RASA1: variants seen among roughly 807,000 people sequenced by gnomAD.
RASA1 encodes the protein ras GTPase-activating protein 1.
RASA1 carries 25 observed loss-of-function variants against 132.2 expected under a neutral mutation model. That is an observed-to-expected ratio of 0.19 (90% CI 0.14 to 0.26). The LOEUF (loss-of-function observed/expected upper bound fraction) is 0.26. RASA1 is among the 10% of genes least tolerant of loss of function. The pLI is 1.00. For synonymous variants in RASA1, 477 were observed against 449.9 expected (o/e 1.06, Z -0.76); for missense variants, 964 against 1,299.2 (o/e 0.74, Z 3.97).
intron 3 of RASA1, 78 bp downstream of exon 3, chr5:87,332,720 T>C: frequency 7.5e-7 from 1 of 1,341,130 alleles, no homozygotes; most frequent in African/African-American, 1.5e-5. Context: ...GCTCAGTTTC[T>C]TATGTTTATT....
intron 1 of RASA1, among the ~76,000 whole-genome samples, chr5:87,317,657 A>T: frequency 6.8e-6 from 1 of 147,746 alleles, no homozygotes; most frequent in African/African-American, 2.5e-5. Flanking sequence ...TTCTTTTGAG[A>T]CAGAATCTTG....
chr5:87,332,385 T>C, intron 2 of RASA1, 122 bp from the exon 3 acceptor site: 1 of 1,012,168 alleles, frequency 9.9e-7, no homozygotes, highest in Non-Finnish European at 1.5e-6. Context: ...TATTTTAGTA[T>C]AAGGATATAG....
At position 87,333,301 on chromosome 5, in the gene RASA1, T is replaced by C; in HGVS notation, c.863T>C (p.Leu288Pro). Reference sequence around the variant, plus strand: ...GATAGAAGGCGTGTACGAGCTATTCTACCTTACACAAAAGTACCAGACACT... The same window carrying C: ...GATAGAAGGCGTGTACGAGCTATTCCACCTTACACAAAAGTACCAGACACT... ...VEDRRRVRAI[L>P]PYTKVPDTDE... The change falls in exon 4 of 25, where the codon CTA (leucine) becomes CCA (proline). Residue 288 changes from leucine (L) to proline (P), a missense_variant. Around this residue, in one of 6 missense-constraint regions of RASA1, gnomAD observed 154 missense variants for 286.5 expected, o/e 0.54. Coordinates refer to ENST00000274376, the MANE Select transcript of RASA1 (RefSeq NM_002890.3). 6.2e-7 allele frequency: 1 copy of C among 1,613,362 alleles called. No individual in the cohort carries two copies.
At chr5:87,334,758 A>G (rs1468953459) in intron 4 of RASA1, among the ~76,000 whole-genome samples, 1 of 152,186 alleles carries the variant, frequency 6.6e-6, no homozygotes, top group Admixed American at 6.5e-5. Flanking sequence ...TATTTATTGA[A>G]TTTCAACCTG....
intron 1 of RASA1, among the ~76,000 whole-genome samples, chr5:87,307,491 A>C (rs866921137): frequency 2.1e-5 from 3 of 143,048 alleles, no homozygotes; most frequent in South Asian, 2.2e-4. Flanking sequence ...AACAACAACA[A>C]CACAAAACTG....
intron 4 of RASA1, among the ~76,000 whole-genome samples, chr5:87,335,424 T>G (rs907517108): frequency 4.2e-5 from 6 of 141,242 alleles, no homozygotes; most frequent in Non-Finnish European, 7.7e-5. Flanking sequence ...ATGAGGTTTT[T>G]TTTTTTTTTT....
chr5:87,325,498 A>G (rs1757166133), intron 1 of RASA1, among the ~76,000 whole-genome samples: 1 of 152,236 alleles, frequency 6.6e-6, no homozygotes, highest in African/African-American at 2.4e-5. Context: ...TCTGATTAGC[A>G]TTTTGAGGCT....
At chr5:87,353,349 GATT>G in intron 9 of RASA1, 114 bp downstream of exon 9, 1 of 841,796 alleles carries the variant, frequency 1.2e-6, no homozygotes, top group Non-Finnish European at 1.9e-6. Context: ...TAAAACTACA[GATT>G]ATTTAGATTT....
chr5:87,307,523 T>C (rs1755675505), intron 1 of RASA1, among the ~76,000 whole-genome samples: 1 of 152,222 alleles, frequency 6.6e-6, no homozygotes, highest in Non-Finnish European at 1.5e-5. Flanking sequence ...GTTAATATTA[T>C]ATTTAGCTCT....
intron 1 of RASA1, among the ~76,000 whole-genome samples, chr5:87,306,681 CT>C (rs777096633): frequency 2.0e-5 from 3 of 151,458 alleles, no homozygotes. Flanking sequence ...TAGATGTGGC[CT>C]TTTTTTTAAG....
chr5:87,353,102 A>G, intron 8 of RASA1, 55 bp from the exon 9 acceptor site: 2 of 1,393,796 alleles, frequency 1.4e-6, no homozygotes, highest in South Asian at 1.2e-5. Context: ...ACATATTTTT[A>G]AAGATTTTGC....
At chr5:87,323,313 G>A (rs1381692361) in intron 1 of RASA1, among the ~76,000 whole-genome samples, 1 of 152,082 alleles carries the variant, frequency 6.6e-6, no homozygotes, top group African/African-American at 2.4e-5. Flanking sequence ...CGCATAATAG[G>A]AGCTTAAAAA....
At chr5:87,353,812 C>T (rs1204290283) in intron 9 of RASA1, among the ~76,000 whole-genome samples, 2 of 152,044 alleles carry the variant, frequency 1.3e-5, no homozygotes, top group African/African-American at 2.4e-5. Flanking sequence ...AAAGATTGGC[C>T]TTGAGCAAGA....
intron 1 of RASA1, among the ~76,000 whole-genome samples, chr5:87,287,015 CACCATATATAT>C (rs1421360051): frequency 7.5e-5 from 11 of 146,938 alleles, no homozygotes; most frequent in Non-Finnish European, 1.2e-4. Flanking sequence ...CATATATATA[CACCATATATAT>C]ACCATATATA....
chr5:87,372,415 TTAAA>T (rs1761015828), intron 13 of RASA1, among the ~76,000 whole-genome samples: 3 of 152,278 alleles, frequency 2.0e-5, no homozygotes, highest in Admixed American at 6.5e-5. Flanking sequence ...TTCTTCCACT[TTAAA>T]TAACAACACT....
chr5:87,268,182 A>G lies in RASA1; in HGVS notation c.-270A>G. ...TTCTGTACATGTGTTTGTGTGCGTGAGTGTGGGTGTGTGCGGTGAGGTTTG... is the reference window on the plus strand; with the variant it reads ...TTCTGTACATGTGTTTGTGTGCGTGGGTGTGGGTGTGTGCGGTGAGGTTTG... On this transcript the variant is annotated 5_prime_UTR_variant, in exon 1 of 25. The change abolishes the stop of an existing upstream ORF in the 5' untranslated region. Transcript: ENST00000274376. 3.8e-6 allele frequency: 2 copies of G among 520,574 alleles called. No homozygotes were observed. The highest frequency in any genetic ancestry group is 3.4e-6 in the Non-Finnish European group (1 of 297,178). The allele number at this position is 520,574 out of a possible 1,614,324, so 32.2% of individuals were successfully genotyped here.
rs547234988 is a variant in RASA1 at position 87,291,619 on chromosome 5, A to T, written c.539+22629A>T. 2.8e-4 allele frequency among the ~76,000 whole-genome samples: 42 copies of T among 152,140 alleles called. No homozygotes were observed. The South Asian group carries it at 7.9e-3, about 29-fold the overall frequency. ...AGAGGGGTTTGGGTCATGGGGGAGG[A>T]TCCCTCATGGCTTGCTGCCATCTTC... On this transcript the variant is annotated intron_variant, in intron 1 of 24. Coordinates refer to ENST00000274376, the MANE Select transcript of RASA1 (RefSeq NM_002890.3).
intron 1 of RASA1, among the ~76,000 whole-genome samples, chr5:87,324,730 C>T (rs1003456697): frequency 6.6e-6 from 1 of 152,046 alleles, no homozygotes; most frequent in African/African-American, 2.4e-5. Flanking sequence ...TATAAACACG[C>T]CCTCTTCTCC....
At chr5:87,331,031 A>G in intron 1 of RASA1, 4 of 1,320,708 alleles carry the variant, frequency 3.0e-6, no homozygotes, top group Non-Finnish European at 4.0e-6. Context: ...TTTTCTAAGT[A>G]AAGATCTGGT....
Sources: allele counts gnomAD v4.1 joint callset (sites outside exome capture counted in the v4.1 genomes callset), GRCh38; gene constraint gnomAD v4.1.1; regional missense constraint gnomAD v4.1.1; transcripts MANE v1.5; gene names NCBI Gene and HGNC (gene_info 2026-07-23, HGNC 2026-07-21).